The following SCARB2 variants were observed in gnomAD, a reference collection of about 807,000 sequenced individuals.
The protein encoded by SCARB2 is scavenger receptor class B member 2, also known as lysosome membrane protein 2.
In SCARB2, 29 loss-of-function variants were observed where a neutral mutation model predicts 58.6. The ratio of observed to expected loss-of-function variants is 0.49; its 90% CI spans 0.37 to 0.67. SCARB2 has a LOEUF of 0.67. SCARB2 is among the 30% of genes least tolerant of loss of function. SCARB2 has a pLI of 0.00. For synonymous variants in SCARB2, 195 were observed against 210.1 expected (o/e 0.93, Z 0.62); for missense variants, 488 against 578.5 (o/e 0.84, Z 1.60).
chr4:76,209,584 G>C (rs894997029), intron 1 of SCARB2, among the ~76,000 whole-genome samples: 1 of 152,134 alleles, frequency 6.6e-6, no homozygotes, highest in African/African-American at 2.4e-5. Flanking sequence ...GGCCAGGCTG[G>C]TCTCGAACTC....
At position 76,230,617 on chromosome 4, in the gene SCARB2, C is replaced by G. The variant is rs113865511; in HGVS notation, c.-358+3686G>C. Among the ~76,000 whole-genome samples, 879 of 152,302 alleles carry G rather than the reference C, an allele frequency of 5.8e-3. 11 individuals are homozygous for G. The highest frequency in any genetic ancestry group is 0.02 in the African/African-American group (831 of 41,562). ...TAAAGTTCAGTTTGAAGCTTCCCTT[C>G]TCTTCCTAGCAGATATCTGGGGTAT... On this transcript the variant is annotated intron_variant, in intron 1 of 11. Coordinates refer to the SCARB2 transcript ENST00000638295.
intron 9 of SCARB2, among the ~76,000 whole-genome samples, chr4:76,168,160 A>G (rs1732054381): frequency 6.6e-6 from 1 of 152,256 alleles, no homozygotes; most frequent in African/African-American, 2.4e-5. Context: ...TTATATGTGA[A>G]TCCACATAAG....
intron 1 of SCARB2, among the ~76,000 whole-genome samples, chr4:76,200,914 T>C (rs1732816540): frequency 6.6e-6 from 1 of 152,184 alleles, no homozygotes; most frequent in Non-Finnish European, 1.5e-5. Context: ...GGTCTCCCTC[T>C]CTCCAGCCTT....
intron 1 of SCARB2, among the ~76,000 whole-genome samples, chr4:76,231,811 G>T (rs1168728036): frequency 6.6e-6 from 1 of 152,146 alleles, no homozygotes; most frequent in African/African-American, 2.4e-5. Flanking sequence ...GTTAAAAGTG[G>T]CATTCTTTAC....
rs560359474 is a variant in SCARB2, at chr4:76,161,379, G to A, written c.*334C>T. Reference sequence around the variant, plus strand: ...GAAGTTAGACCAGTAGCATTAACAAGTGATGCAGAGACATTTTACCCACAA... The same window carrying A: ...GAAGTTAGACCAGTAGCATTAACAAATGATGCAGAGACATTTTACCCACAA... On this transcript the variant is annotated 3_prime_UTR_variant, in exon 12 of 12. Coordinates refer to ENST00000264896, the MANE Select transcript of SCARB2 (RefSeq NM_005506.4). The A allele has an allele frequency of 2.6e-5, 10 of 382,248 alleles. No individual in the cohort carries two copies. Among genetic ancestry groups the A allele is most frequent in the Non-Finnish European group, 4.9e-5 (10 of 205,238 alleles). The allele number at this position is 382,248 out of a possible 1,614,324, so 23.7% of individuals were successfully genotyped here. A position where few individuals can be genotyped will look rare whatever the true frequency, so the allele number is the denominator to read the frequency against.
chr4:76,167,417 G>T (rs1005006902), intron 9 of SCARB2, among the ~76,000 whole-genome samples: 7 of 152,100 alleles, frequency 4.6e-5, no homozygotes, highest in African/African-American at 1.4e-4. Flanking sequence ...CCTTGTGATA[G>T]TGAGTTATCA....
At position 76,180,977 on chromosome 4, in the gene SCARB2, T is replaced by C. The variant is rs747696444; in HGVS notation, c.400A>G (p.Arg134Gly). 2 of 1,612,834 alleles carry C rather than the reference T, an allele frequency of 1.2e-6. No homozygotes were observed. The highest frequency in any genetic ancestry group is 1.7e-6 in the Non-Finnish European group (2 of 1,179,600). Residue 134 changes from arginine (R) to glycine (G), a missense_variant, in exon 3 of 12, where the codon AGA becomes GGA. By Grantham distance (125) the Arg-to-Gly change is moderately radical. Coordinates refer to ENST00000264896, the MANE Select transcript of SCARB2 (RefSeq NM_005506.4). ...SVGDPKIDLI[R>G]TLNIPVLTVI... is the part of the protein sequence containing the mutation. ...ACCAATACAGGAATATTTAATGTTC[T>C]AATTAAGTCAATTTTAGGGTCTCCA...
chr4:76,231,828 T>C (rs1251930984), intron 1 of SCARB2, among the ~76,000 whole-genome samples: 1 of 152,192 alleles, frequency 6.6e-6, no homozygotes, highest in Non-Finnish European at 1.5e-5. Context: ...TTACTGACCA[T>C]AGGAACCCTG....
chr4:76,214,386 A>G (rs1306777818), upstream of SCARB2: 2 of 435,812 alleles, frequency 4.6e-6, no homozygotes, highest in Admixed American at 2.5e-5. Context: ...GAAGATGTGC[A>G]AAAAAGGGAG....
chr4:76,205,524 G>C lies in SCARB2; in HGVS notation c.117+7903C>G, dbSNP rs533294617. On this transcript the variant is annotated intron_variant, in intron 1 of 11. Coordinates refer to ENST00000264896, the MANE Select transcript of SCARB2 (RefSeq NM_005506.4). ...ATGTATATCTCTCTCAAAACATCAT[G>C]TTGCATGCCCTAAATATGTACAATT... Among the ~76,000 whole-genome samples the C allele has an allele frequency of 3.3e-5, 5 of 152,212 alleles. No individual in the cohort carries two copies. The South Asian group carries it at 1.0e-3, about 32-fold the overall frequency.
At chr4:76,170,907 T>C (rs1226647378) in intron 7 of SCARB2, among the ~76,000 whole-genome samples, 1 of 149,974 alleles carries the variant, frequency 6.7e-6, no homozygotes, top group African/African-American at 2.4e-5. Flanking sequence ...TCCTTTCCTA[T>C]TCATTTTAAG....
chr4:76,205,849 C>A (rs1461766794), intron 1 of SCARB2, among the ~76,000 whole-genome samples: 2 of 152,192 alleles, frequency 1.3e-5, no homozygotes, highest in Non-Finnish European at 2.9e-5. Flanking sequence ...TAAGGAGTGT[C>A]AGATATAGAG....
At position 76,213,733 on chromosome 4, in the gene SCARB2, G is replaced by C; in HGVS notation, c.-190C>G. On this transcript the variant is annotated 5_prime_UTR_variant, in exon 1 of 12. Coordinates refer to ENST00000264896, the MANE Select transcript of SCARB2 (RefSeq NM_005506.4). Reference sequence around the variant, plus strand: ...GCGAGCGCGGCCCCGGGTGCACCGGGCGGATGGGGCCGCGGAGGGACGGGC... The same window carrying C: ...GCGAGCGCGGCCCCGGGTGCACCGGCCGGATGGGGCCGCGGAGGGACGGGC... 1.2e-5 allele frequency: 6 copies of C among 491,576 alleles called. No individual in the cohort carries two copies. The highest frequency in any genetic ancestry group is 2.7e-5 in the South Asian group (1 of 36,478). 30.5% of individuals were successfully genotyped at this position (491,576 alleles called of 1,614,324 possible).
At chr4:76,166,090 GA>G (rs1732003039) in intron 10 of SCARB2, 159 bp downstream of exon 10, 1 of 780,926 alleles carries the variant, frequency 1.3e-6, no homozygotes, top group South Asian at 1.5e-5. Context: ...GACACAGGCA[GA>G]TTCATGTGAA....
At chr4:76,207,387 T>TTA in intron 1 of SCARB2, among the ~76,000 whole-genome samples, 10 of 152,170 alleles carry the variant, frequency 6.6e-5, no homozygotes, top group African/African-American at 2.4e-4. Context: ...GGCCCAGGAG[T>TTA]TTAAATTGGA....
At chr4:76,180,046 G>GTA in intron 3 of SCARB2, 1 of 345,818 alleles carries the variant, frequency 2.9e-6, no homozygotes, top group Non-Finnish European at 5.6e-6. Context: ...CAGGGCCAGA[G>GTA]GCTCATTATA....
intron 2 of SCARB2, among the ~76,000 whole-genome samples, chr4:76,190,645 C>A (rs183920730): frequency 1.3e-5 from 2 of 152,016 alleles, no homozygotes; most frequent in African/African-American, 4.8e-5. Context: ...ATTAGCCAGG[C>A]GTGGTGGCCG....
At chr4:76,213,320 C>T (rs1467097986) in intron 1 of SCARB2, 107 bp downstream of exon 1, 2 of 788,986 alleles carry the variant, frequency 2.5e-6, no homozygotes, top group Non-Finnish European at 4.4e-6. Context: ...AGCTCTAGCG[C>T]GGAGGGTCTG....
rs7677231 is a variant in SCARB2, at chr4:76,180,705, C to T, written c.423+249G>A. On this transcript the variant is annotated intron_variant, in intron 3 of 11. Transcript: ENST00000264896. ...TTGCACAATTGCTAATCCTGAACAC[C>T]CAGGAAGAAATTATGAAAACAAATC... 0.2 allele frequency: 52,676 copies of T among 259,200 alleles called. 6,578 individuals carry two copies. Among genetic ancestry groups the T allele is most frequent in the African/African-American group, 0.39 (17,480 of 44,884 alleles). The allele number at this position is 259,200 out of a possible 1,614,324, so 16.1% of individuals were successfully genotyped here. A position where few individuals can be genotyped will look rare whatever the true frequency, so the allele number is the denominator to read the frequency against.
Sources: gnomAD v4.1 joint callset for allele counts (sites outside exome capture counted in the v4.1 genomes callset) on GRCh38, gnomAD v4.1.1 for gene constraint, MANE v1.5 for transcripts, NCBI Gene and HGNC (gene_info 2026-07-23, HGNC 2026-07-21) for gene names.